The following KANSL1L variants were observed in gnomAD, a reference collection of about 807,000 sequenced individuals.
KANSL1L encodes KAT8 regulatory NSL complex subunit 1-like protein.
KANSL1L carries 25 observed loss-of-function variants against 108.6 expected under a neutral mutation model. That is an observed-to-expected ratio of 0.23 (90% CI 0.17 to 0.32). The LOEUF is 0.32. Ranked by LOEUF, KANSL1L falls within the 10% of genes least tolerant of loss-of-function variation. The pLI is 1.00. For synonymous variants in KANSL1L, 405 were observed against 395.1 expected (o/e 1.03, Z -0.30); for missense variants, 1,137 against 1,125.7 (o/e 1.01, Z -0.14).
chr2:210,141,163 TGTTTTC>T (rs386654684), intron 2 of KANSL1L, among the ~76,000 whole-genome samples: 13 of 30,144 alleles, frequency 4.3e-4, no homozygotes, highest in Admixed American at 2.8e-3. Flanking sequence ...CACTCCTCTC[TGTTTTC>T]TTTCTTTTCT....
intron 3 of KANSL1L, 40 bp from the exon 4 acceptor site, chr2:210,104,341 CTT>C: frequency 6.7e-7 from 1 of 1,496,020 alleles, no homozygotes. Context: ...TGAAAACAAA[CTT>C]ATTATTAAGC....
chr2:210,104,074 A>C (rs557259315), intron 4 of KANSL1L, 30 bp downstream of exon 4: 1 of 1,532,888 alleles, frequency 6.5e-7, no homozygotes, highest in African/African-American at 1.4e-5. Context: ...AAGTCATTTC[A>C]TACCACTGAT....
chr2:210,040,548 A>C, intron 7 of KANSL1L, 21 bp from the exon 8 acceptor site: 1 of 1,208,882 alleles, frequency 8.3e-7, no homozygotes, highest in Admixed American at 2.4e-5. Flanking sequence ...AAAATAAAAA[A>C]GGTATTTTCA....
intron 2 of KANSL1L, 113 bp downstream of exon 2, chr2:210,153,382 G>T (rs1242148064): frequency 1.6e-4 from 113 of 699,330 alleles, no homozygotes; most frequent in Middle Eastern, 3.8e-4. Flanking sequence ...AAAAAAAAAA[G>T]ATTATAGCAT....
intron 8 of KANSL1L, among the ~76,000 whole-genome samples, chr2:210,034,954 T>C (rs2094080733): frequency 6.6e-6 from 1 of 152,222 alleles, no homozygotes; most frequent in Admixed American, 6.5e-5. Context: ...TTTACCTCCT[T>C]CTTTCAGACC....
chr2:210,099,724 G>A (rs191336846), intron 4 of KANSL1L, among the ~76,000 whole-genome samples: 344 of 152,086 alleles, frequency 2.3e-3, no homozygotes, highest in African/African-American at 7.8e-3. Flanking sequence ...ACTGGACGTC[G>A]CTAATTGGAT....
chr2:210,121,462 A>G (rs1200672079), intron 3 of KANSL1L, among the ~76,000 whole-genome samples: 1 of 152,160 alleles, frequency 6.6e-6, no homozygotes, highest in Non-Finnish European at 1.5e-5. Context: ...ACATGAACAC[A>G]TAGAGGGGAA....
chr2:210,158,629 G>A (rs1322679885), intron 1 of KANSL1L, among the ~76,000 whole-genome samples: 3 of 151,348 alleles, frequency 2.0e-5, no homozygotes, highest in South Asian at 2.1e-4. Flanking sequence ...ATGAAAGTCC[G>A]GGACATATCA....
rs1262498483 is a variant in KANSL1L, at chr2:210,024,221, AAC to A, written c.2565-22_2565-21del. On this transcript the variant is annotated intron_variant, in intron 13 of 14. Transcript: ENST00000281772. Reference sequence around the variant, plus strand: ...TAAGCTCTAGCAAGAAAATCAGGAAAACACAATTATTTTTTATTTTTTGAGGT... The same window carrying A: ...TAAGCTCTAGCAAGAAAATCAGGAAAACAATTATTTTTTATTTTTTGAGGT... 1.3e-6 allele frequency: 2 copies of A among 1,524,908 alleles called. No homozygotes were observed. Among genetic ancestry groups the A allele is most frequent in the African/African-American group, 1.4e-5 (1 of 70,572 alleles). 94.5% of individuals were successfully genotyped at this position (1,524,908 alleles called of 1,614,324 possible).
chr2:210,107,534 ATTT>A (rs71395572), intron 3 of KANSL1L, among the ~76,000 whole-genome samples: 33 of 117,616 alleles, frequency 2.8e-4, no homozygotes, highest in South Asian at 5.5e-4. Flanking sequence ...ATATATATAT[ATTT>A]TTTTTTTTTG....
chr2:210,154,386 T>C lies in KANSL1L; in HGVS notation c.197A>G (p.Lys66Arg), dbSNP rs2095322073. The C allele has an allele frequency of 4.3e-6, 7 of 1,610,436 alleles. No homozygotes were observed. The Admixed American group carries it at 1.2e-4, about 27-fold the overall frequency. Residue 66 changes from lysine (K) to arginine (R), a missense_variant, in exon 2 of 15, where the codon AAA (lysine) becomes AGA (arginine). By Grantham distance (26) the Lys-to-Arg change is conservative. Transcript: ENST00000281772. ...PTLNTNFVNLKHFGSPQSSKH... is the reference protein window; with the variant it reads ...PTLNTNFVNLRHFGSPQSSKH... The stretch of plus-strand genomic sequence containing the variant: ...TGAAGACTGAGGGGAGCCAAAATGT[T>C]TTAAATTCACAAAATTAGTATTAAG...
intron 2 of KANSL1L, among the ~76,000 whole-genome samples, chr2:210,133,597 T>C (rs1485517763): frequency 6.6e-6 from 1 of 152,080 alleles, no homozygotes; most frequent in Admixed American, 6.6e-5. Context: ...TTGCTTTGGG[T>C]TTAATTTAGT....
At position 210,063,425 on chromosome 2, in the gene KANSL1L, C is replaced by T. The variant is rs943015252; in HGVS notation, c.1755+12127G>A. On this transcript the variant is annotated intron_variant, in intron 6 of 14. Coordinates refer to ENST00000281772, the MANE Select transcript of KANSL1L (RefSeq NM_152519.4). ...CTGTGAGAAGAGGGTCATTGTCCTTCAGACTCTAGAATGGTAGATCTGCAG... is the reference window on the plus strand; with the variant it reads ...CTGTGAGAAGAGGGTCATTGTCCTTTAGACTCTAGAATGGTAGATCTGCAG... Among the ~76,000 whole-genome samples, 8 of 152,314 alleles carry T rather than the reference C, an allele frequency of 5.3e-5. No individual in the cohort carries two copies. In the South Asian group the frequency reaches 1.7e-3, roughly 32 times the overall value.
intron 5 of KANSL1L, chr2:210,096,515 T>C: frequency 7.1e-6 from 7 of 984,714 alleles, no homozygotes; most frequent in Non-Finnish European, 8.4e-6. Context: ...CACAAACACA[T>C]GAACACACAC....
chr2:210,129,986 A>G (rs1185788599), intron 2 of KANSL1L, among the ~76,000 whole-genome samples: 1 of 70,620 alleles, frequency 1.4e-5, no homozygotes, highest in African/African-American at 3.5e-5. Context: ...GGAGATGCAG[A>G]TTGCAAAAAA....
chr2:210,077,004 G>A (rs1461030811), intron 5 of KANSL1L, among the ~76,000 whole-genome samples: 2 of 152,040 alleles, frequency 1.3e-5, no homozygotes, highest in African/African-American at 4.8e-5. Context: ...TTCTATAGCA[G>A]TATTGTTTTT....
rs766568894 is a variant in KANSL1L, at chr2:210,153,584, A to T, written c.999T>A (p.Ser333=). 2 of 1,614,092 alleles carry T rather than the reference A, an allele frequency of 1.2e-6. No homozygotes were observed. Among genetic ancestry groups the T allele is most frequent in the Non-Finnish European group, 1.7e-6 (2 of 1,180,008 alleles). ...CGGAATCCAAACCCTCTTCAACATG[A>T]GACAACAGCCCTGTAGCAGAAAATG... is the stretch of plus-strand genomic sequence containing the variant. ...RFAFSATGLL[S]HVEEGLDSDA... Residue 333 remains serine, a synonymous_variant, in exon 2 of 15, where the codon TCT becomes TCA. Coordinates refer to ENST00000281772, the MANE Select transcript of KANSL1L (RefSeq NM_152519.4).
intron 1 of KANSL1L, among the ~76,000 whole-genome samples, chr2:210,170,820 CA>C (rs1421255901): frequency 1.3e-5 from 2 of 152,180 alleles, no homozygotes; most frequent in Non-Finnish European, 2.9e-5. Context: ...CCAGCCAAAA[CA>C]AAAGGGAGGT....
chr2:210,025,220 G>GAATT lies in KANSL1L; in HGVS notation c.2452-8_2452-5dup. The GAATT allele has an allele frequency of 1.4e-6, 2 of 1,472,702 alleles. No homozygotes were observed. The highest frequency in any genetic ancestry group is 2.3e-5 in the South Asian group (2 of 88,190). 91.2% of individuals were successfully genotyped at this position (1,472,702 alleles called of 1,614,324 possible). A position where few individuals can be genotyped will look rare whatever the true frequency, so the allele number is the denominator to read the frequency against. ...CTTCATCAGAAAGATCTTCTATCTGGAATTAGAAATAAAGATTTTTGTTTT... is the reference window on the plus strand; with the variant it reads ...CTTCATCAGAAAGATCTTCTATCTGGAATTAATTAGAAATAAAGATTTTTGTTTT... On this transcript the variant is annotated splice_region_variant and splice_polypyrimidine_tract_variant and intron_variant, in intron 12 of 14. Coordinates refer to ENST00000281772, the MANE Select transcript of KANSL1L (RefSeq NM_152519.4).
Sources: allele counts gnomAD v4.1 joint callset (sites outside exome capture counted in the v4.1 genomes callset), GRCh38; gene constraint gnomAD v4.1.1; transcripts MANE v1.5; gene names NCBI Gene and HGNC (gene_info 2026-07-23, HGNC 2026-07-21).